TGM5: variants seen among roughly 807,000 people sequenced by gnomAD.
TGM5 encodes transglutaminase 5.
TGM5 carries 69 observed loss-of-function variants against 77.2 expected under a neutral mutation model. That is an observed-to-expected ratio of 0.89 (90% confidence interval 0.74 to 1.09). The LOEUF (loss-of-function observed/expected upper bound fraction) is 1.09. Ranked by LOEUF, TGM5 falls within the 50% of genes least tolerant of loss-of-function variation. The pLI, the probability that TGM5 is intolerant of heterozygous loss-of-function variation, is 0.00. For missense variants in TGM5, 842 were observed against 896.5 expected, an observed-to-expected ratio of 0.94 and a Z score of 0.78; for synonymous variants, 346 against 351.8, an observed-to-expected ratio of 0.98 and a Z score of 0.18.
chr15:43,261,060 CTTTTTTTGTGTGTGTGTTTTTTTT>C (rs2042782675), intron 1 of TGM5, among the ~76,000 whole-genome samples: 1 of 90,620 alleles, frequency 1.1e-5, no homozygotes, highest in Non-Finnish European at 2.0e-5. Context: ...GCTGCTCTTC[CTTTTTTTGTGTGTGTGTTTTTTTT>C]TTTTTTTTTT....
Position 43,260,386 on chromosome 15 carries a change from G to C in TGM5, c.190+14C>G, listed in dbSNP as rs1480879352. On this transcript the variant is annotated intron_variant, in intron 2 of 12. Transcript: ENST00000220420. The stretch of plus-strand genomic sequence containing the variant: ...AGACACACACAGCCCCTGTGAGCCA[G>C]CTGGGGTTCTTACCAGTTTCAACCA... 1.9e-6 allele frequency: 3 copies of C among 1,614,220 alleles called. No individual in the cohort carries two copies. The highest frequency in any genetic ancestry group is 1.7e-5 in the Admixed American group (1 of 60,026).
intron 6 of TGM5, chr15:43,247,681 A>G (rs1018824919): frequency 2.0e-5 from 3 of 152,124 alleles, no homozygotes; most frequent in African/African-American, 7.2e-5. Context: ...AAAAATACAC[A>G]CGGGTCCAAG....
At chr15:43,233,497 A>T in intron 12 of TGM5, 57 bp downstream of exon 12, 1 of 1,613,746 alleles carries the variant, frequency 6.2e-7, no homozygotes, top group East Asian at 2.2e-5. Context: ...TTCAGGAAGG[A>T]TAGTGCTAAT....
chr15:43,238,985 G>T lies in TGM5; in HGVS notation c.1177C>A (p.Pro393Thr). Reference protein sequence around the residue: ...EGEVDLNYDTPFVFSMVNADC... With the variant: ...EGEVDLNYDTTFVFSMVNADC... ...GCATTCACCATCGAAAACACAAAGGGCGTGTCATAGTTCAGGTCCACTTCT... is the reference window on the plus strand; with the variant it reads ...GCATTCACCATCGAAAACACAAAGGTCGTGTCATAGTTCAGGTCCACTTCT... The change falls in exon 9 of 13, where the codon CCC becomes ACC. Residue 393 changes from proline to threonine, a missense_variant. By Grantham distance (38) the Pro-to-Thr change is conservative (BLOSUM62 -1). Transcript: ENST00000220420. 6.2e-7 allele frequency: 1 copy of T among 1,614,166 alleles called. No individual in the cohort carries two copies. Among genetic ancestry groups the T allele is most frequent in the East Asian group, 2.2e-5 (1 of 44,872 alleles).
At chr15:43,253,279 T>C (rs1441173011) in intron 5 of TGM5, among the ~76,000 whole-genome samples, 1 of 152,202 alleles carries the variant, frequency 6.6e-6, no homozygotes, top group East Asian at 1.9e-4. Flanking sequence ...GGAGCTACAC[T>C]CACCCTTTCT....
Position 43,253,595 on chromosome 15 carries a change from C to T in TGM5, c.595G>A (p.Asp199Asn). 1 of 1,613,886 alleles carries T rather than the reference C, an allele frequency of 6.2e-7. No individual in the cohort carries two copies. Among genetic ancestry groups the T allele is most frequent in the South Asian group, 1.1e-5 (1 of 91,076 alleles). Residue 199 changes from aspartate (D) to asparagine (N), a missense_variant, in exon 5 of 13, where the codon GAC becomes AAC. By Grantham distance (23) the Asp-to-Asn change is conservative. This residue lies in a region of TGM5 where 815 missense variants were observed against 844.6 expected (regional missense o/e 0.96). Coordinates refer to ENST00000220420, the MANE Select transcript of TGM5 (RefSeq NM_201631.4). ...TCAGTCTGGAAGTGCAGGCTCTTGT[C>T]TAGCAGCTTCAGGCAGATGTCTATG... ...KIIDICLKLL[D>N]KSLHFQTDPA... is the part of the protein sequence containing the mutation.
intron 4 of TGM5, among the ~76,000 whole-genome samples, chr15:43,255,427 C>T (rs2042736110): frequency 6.6e-6 from 1 of 152,180 alleles, no homozygotes; most frequent in Non-Finnish European, 1.5e-5. Flanking sequence ...CTGTTTCTTA[C>T]AGATGGCAGC....
At chr15:43,255,527 T>A (rs1252518418) in intron 4 of TGM5, among the ~76,000 whole-genome samples, 1 of 152,180 alleles carries the variant, frequency 6.6e-6, no homozygotes, top group Non-Finnish European at 1.5e-5. Flanking sequence ...GAGGCCGCTA[T>A]ATCTCATCTT....
chr15:43,260,534 A>G lies in TGM5; in HGVS notation c.56T>C (p.Val19Ala). 6.2e-7 allele frequency: 1 copy of G among 1,614,074 alleles called. No homozygotes were observed. The change falls in exon 2 of 13, where the codon GTG becomes GCG. Residue 19 changes from valine (V) to alanine (A), a missense_variant. Around this residue, in one of 2 missense-constraint regions of TGM5, gnomAD observed 815 missense variants for 844.6 expected, o/e 0.96. Coordinates refer to ENST00000220420, the MANE Select transcript of TGM5 (RefSeq NM_201631.4). ...AGTGATCTCCTCCGTGTGGTGCCGC[A>G]CATTATTTCTGGAGCTCTGGAGGTC... The part of the protein sequence containing the change: ...LTDLQSSRNN[V>A]RHHTEEITVD...
At chr15:43,253,734 A>C in intron 4 of TGM5, 100 bp from the exon 5 acceptor site, 99 of 1,500,014 alleles carry the variant, frequency 6.6e-5, no homozygotes, top group Non-Finnish European at 8.2e-5. Flanking sequence ...ATATAAACTC[A>C]CTTGGAAGGT....
chr15:43,246,914 G>C (rs1330276752), intron 6 of TGM5, among the ~76,000 whole-genome samples: 1 of 152,088 alleles, frequency 6.6e-6, no homozygotes, highest in Non-Finnish European at 1.5e-5. Flanking sequence ...GACTGCTCTG[G>C]AGCCATCATA....
chr15:43,233,811 G>T (rs2042566440), intron 11 of TGM5, 124 bp from the exon 12 acceptor site: 2 of 1,150,796 alleles, frequency 1.7e-6, no homozygotes, highest in Non-Finnish European at 2.5e-6. Flanking sequence ...TTTGGCATAA[G>T]AATTCTTTGA....
intron 9 of TGM5, among the ~76,000 whole-genome samples, chr15:43,237,895 A>G (rs756545141): frequency 3.3e-5 from 5 of 152,156 alleles, no homozygotes; most frequent in Non-Finnish European, 5.9e-5. Flanking sequence ...CTAAAAAATA[A>G]ACCACCTGTA....
intron 1 of TGM5, among the ~76,000 whole-genome samples, chr15:43,261,507 G>A (rs1218860333): frequency 6.6e-6 from 1 of 152,132 alleles, no homozygotes; most frequent in Non-Finnish European, 1.5e-5. Context: ...CCAACCTTCT[G>A]GAGCCTCTGC....
intron 9 of TGM5, among the ~76,000 whole-genome samples, chr15:43,237,208 C>T (rs2042596722): frequency 6.6e-6 from 1 of 152,198 alleles, no homozygotes; most frequent in South Asian, 2.1e-4. Context: ...CCCATATTCC[C>T]TTGGCACTTG....
At chr15:43,237,176 A>C (rs1471685741) in intron 9 of TGM5, among the ~76,000 whole-genome samples, 1 of 152,090 alleles carries the variant, frequency 6.6e-6, no homozygotes, top group Admixed American at 6.5e-5. Flanking sequence ...GGGCCTCTCT[A>C]GCAAATGCCA....
chr15:43,237,143 CCT>C (rs2042596309), intron 9 of TGM5, among the ~76,000 whole-genome samples: 1 of 152,128 alleles, frequency 6.6e-6, no homozygotes, highest in Admixed American at 6.5e-5. Flanking sequence ...CTCCAATCCC[CCT>C]GAGTCCACAG....
rs1176921817 is a variant in TGM5 at position 43,253,618 on chromosome 15, A to G, written c.572T>C (p.Ile191Thr). ...WNYGQFEDKI[I>T]DICLKLLDKS... is the part of the protein sequence containing the mutation. ...GTCTAGCAGCTTCAGGCAGATGTCT[A>G]TGATTTTGTCTTCAAACTTCGGGGG... The change falls in exon 5 of 13, where the codon ATA becomes ACA. Residue 191 changes from isoleucine (I) to threonine (T), a missense_variant. Transcript: ENST00000220420. 4 of 1,613,416 alleles carry G rather than the reference A, an allele frequency of 2.5e-6. No homozygotes were observed. The highest frequency in any genetic ancestry group is 1.7e-5 in the Admixed American group (1 of 60,010).
chr15:43,260,972 C>T (rs1178590089), intron 1 of TGM5, among the ~76,000 whole-genome samples: 1 of 151,808 alleles, frequency 6.6e-6, no homozygotes, highest in Non-Finnish European at 1.5e-5. Flanking sequence ...TTAACAGTCT[C>T]ACTTGCGCCT....
Sources: gnomAD v4.1 joint callset for allele counts (sites outside exome capture counted in the v4.1 genomes callset) on GRCh38, gnomAD v4.1.1 for gene constraint, gnomAD v4.1.1 regional missense constraint, MANE v1.5 for transcripts, NCBI Gene and HGNC (gene_info 2026-07-23, HGNC 2026-07-21) for gene names.